Variants in UBE3B observed in about 807,000 individuals in gnomAD.
UBE3B encodes the protein ubiquitin protein ligase E3B, also known as ubiquitin-protein ligase E3B.
In UBE3B, 80 loss-of-function variants were observed where a neutral mutation model predicts 132.3. The observed-to-expected ratio is 0.60, with a 90% CI of 0.50 to 0.73. UBE3B has a LOEUF of 0.73. UBE3B is among the 30% of genes least tolerant of loss of function. The pLI is 0.00. For synonymous variants in UBE3B, 487 were observed against 520.4 expected (o/e 0.94, Z 0.87); for missense variants, 1,196 against 1,362.5 (o/e 0.88, Z 1.92).
chr12:109,487,145 C>T (rs768767673), intron 6 of UBE3B, among the ~76,000 whole-genome samples: 35 of 152,132 alleles, frequency 2.3e-4, no homozygotes, highest in Non-Finnish European at 4.3e-4. Flanking sequence ...AGAGGCCTCC[C>T]GACCAGTTCA....
intron 26 of UBE3B, among the ~76,000 whole-genome samples, chr12:109,532,069 G>T (rs1320557743): frequency 6.6e-6 from 1 of 152,182 alleles, no homozygotes; most frequent in African/African-American, 2.4e-5. Context: ...GCATCCAGGG[G>T]TTTCCTGTGT....
chr12:109,532,536 C>G (rs1442131641), intron 26 of UBE3B, among the ~76,000 whole-genome samples: 2 of 152,178 alleles, frequency 1.3e-5, no homozygotes, highest in Non-Finnish European at 2.9e-5. Flanking sequence ...GCCCCTGTAT[C>G]CCCTAGAGAA....
chr12:109,514,211 A>G (rs1166703452), intron 18 of UBE3B, among the ~76,000 whole-genome samples: 4 of 152,138 alleles, frequency 2.6e-5, no homozygotes, highest in African/African-American at 9.7e-5. Flanking sequence ...GTGTTTACCC[A>G]GAAGGCCTAA....
Position 109,499,728 on chromosome 12 carries a change from C to T in UBE3B, c.1036C>T (p.Arg346Trp), listed in dbSNP as rs1270104885. Reference protein sequence around the residue: ...SLLTQTLCYCRKYVSQKKSNL... With the variant: ...SLLTQTLCYCWKYVSQKKSNL... ...GCTCACCCAGACGCTGTGCTACTGT[C>T]GGAAGTATGTGTCTCAGAAGAAGTC... Residue 346 changes from arginine (R) to tryptophan (W), a missense_variant, in exon 12 of 28, where the codon CGG becomes TGG. Arg to Trp is a moderately radical substitution (Grantham distance 101). Transcript: ENST00000342494. 3.1e-6 allele frequency: 5 copies of T among 1,613,528 alleles called. No homozygotes were observed. In the Admixed American group the frequency reaches 5.0e-5, roughly 16 times the overall value.
chr12:109,510,384 C>A lies in UBE3B; in HGVS notation c.1782C>A (p.Val594=), dbSNP rs1204109815. The change falls in exon 17 of 28, where the codon GTC becomes GTA. Residue 594 remains valine (V), a synonymous_variant. Transcript: ENST00000342494. ...AGACCTTGGAGCTGTTCCAGTCTGT[C>A]CACGGGTGGCTTATGGTGCTGTACG... ...KGETLELFQS[V]HGWLMVLYER... 1 of 1,612,476 alleles carries A rather than the reference C, an allele frequency of 6.2e-7. No individual in the cohort carries two copies. Among genetic ancestry groups the A allele is most frequent in the African/African-American group, 1.3e-5 (1 of 74,902 alleles).
chr12:109,544,276 T>C, the UBE3B span, among the ~76,000 whole-genome samples: 1 of 149,326 alleles, frequency 6.7e-6, no homozygotes, highest in African/African-American at 2.5e-5. Context: ...CTGCCACAGG[T>C]GGACACTCAG....
At position 109,530,635 on chromosome 12, in the gene UBE3B, G is replaced by A. The variant is rs1156522771; in HGVS notation, c.2899G>A (p.Asp967Asn). The change falls in exon 26 of 28, where the codon GAT becomes AAT. Residue 967 changes from aspartate to asparagine, a missense_variant. Asp to Asn is a conservative substitution (Grantham distance 23, BLOSUM62 1). Coordinates refer to ENST00000342494, the MANE Select transcript of UBE3B (RefSeq NM_130466.4). Reference sequence around the variant, plus strand: ...TATTCTGGCCTCCGACTTCACACCGGATGAGAGAGCTATGTTTCTGAAGGT... The same window carrying A: ...TATTCTGGCCTCCGACTTCACACCGAATGAGAGAGCTATGTTTCTGAAGGT... The part of the protein sequence containing the change: ...WDILASDFTP[D>N]ERAMFLKFVT... 6 of 1,614,072 alleles carry A rather than the reference G, an allele frequency of 3.7e-6. No individual in the cohort carries two copies. Among genetic ancestry groups the A allele is most frequent in the Non-Finnish European group, 5.1e-6 (6 of 1,180,020 alleles).
At chr12:109,490,125 C>G (rs1361166354) in intron 8 of UBE3B, 121 bp downstream of exon 8, 1 of 1,021,690 alleles carries the variant, frequency 9.8e-7, no homozygotes. Flanking sequence ...ATAGGAAGAG[C>G]TTGATGCCTG....
intron 9 of UBE3B, among the ~76,000 whole-genome samples, chr12:109,495,526 G>C (rs1458933249): frequency 1.3e-5 from 2 of 152,204 alleles, no homozygotes; most frequent in Non-Finnish European, 2.9e-5. Flanking sequence ...AGCGGCACTA[G>C]AGGAATTAAA....
intron 19 of UBE3B, chr12:109,518,053 G>C: frequency 2.9e-6 from 1 of 345,458 alleles, no homozygotes; most frequent in Non-Finnish European, 6.1e-6. Flanking sequence ...GGCCCTGCAG[G>C]CCATGTGAAG....
At chr12:109,541,987 G>A in the UBE3B span, among the ~76,000 whole-genome samples, 1 of 152,108 alleles carries the variant, frequency 6.6e-6, no homozygotes, top group African/African-American at 2.4e-5. Flanking sequence ...TCCAAAAAAG[G>A]TCCCATGCAC....
At chr12:109,483,196 T>C (rs994066350) in intron 2 of UBE3B, among the ~76,000 whole-genome samples, 34 of 152,322 alleles carry the variant, frequency 2.2e-4, no homozygotes, top group African/African-American at 7.9e-4. Flanking sequence ...GATACCTGGT[T>C]TGAATTAGAG....
At chr12:109,533,010 C>T (rs913389855) in intron 26 of UBE3B, among the ~76,000 whole-genome samples, 3 of 152,200 alleles carry the variant, frequency 2.0e-5, no homozygotes, top group Non-Finnish European at 2.9e-5. Context: ...TCCCTCTGTT[C>T]GCACCACGTG....
chr12:109,515,166 G>A (rs1003320411), intron 18 of UBE3B, among the ~76,000 whole-genome samples: 1 of 151,770 alleles, frequency 6.6e-6, no homozygotes, highest in Non-Finnish European at 1.5e-5. Context: ...GCCCGCCTAG[G>A]CCTCCCAAAG....
intron 17 of UBE3B, 94 bp downstream of exon 17, chr12:109,510,552 C>T (rs1340465413): frequency 1.1e-6 from 1 of 951,930 alleles, no homozygotes; most frequent in Admixed American, 2.1e-5. Flanking sequence ...GCAGAGAGGA[C>T]TTTTTCCCTC....
downstream of UBE3B, among the ~76,000 whole-genome samples, chr12:109,540,091 G>T (rs2136173769): frequency 6.6e-6 from 1 of 152,176 alleles, no homozygotes; most frequent in South Asian, 2.1e-4. Context: ...GAATCCTGCA[G>T]AGGAAGCTGA....
At position 109,534,504 on chromosome 12, in the gene UBE3B, C is replaced by T. The variant is rs1032173252; in HGVS notation, c.3016-87C>T. 21 of 1,519,168 alleles carry T rather than the reference C, an allele frequency of 1.4e-5. No individual in the cohort carries two copies. Among genetic ancestry groups the T allele is most frequent in the Non-Finnish European group, 1.7e-5 (19 of 1,135,040 alleles). 94.1% of individuals were successfully genotyped at this position (1,519,168 alleles called of 1,614,324 possible). A position where few individuals can be genotyped will look rare whatever the true frequency, so the allele number is the denominator to read the frequency against. ...CCCAGCATCCAGGGACTGGCCAGAT[C>T]CCCTCCCTGGGCTCCCTGGCCTTGG... is the stretch of plus-strand genomic sequence containing the variant. On this transcript the variant is annotated intron_variant, in intron 27 of 27. Transcript: ENST00000342494. This position sits in a 1 kb window ranked among gnomAD's most constrained non-coding sequence, Gnocchi z 5.2.
chr12:109,526,245 C>T (rs1157392790), intron 23 of UBE3B, 113 bp from the exon 24 acceptor site: 20 of 1,058,162 alleles, frequency 1.9e-5, no homozygotes, highest in Non-Finnish European at 1.9e-5. Flanking sequence ...CAAGCATGTG[C>T]CATCTTAATT....
chr12:109,484,431 G>A (rs372115497), intron 4 of UBE3B, among the ~76,000 whole-genome samples: 57 of 152,140 alleles, frequency 3.7e-4, no homozygotes, highest in East Asian at 1.7e-3. Context: ...TCTCTCTGTC[G>A]CCAGGCTGGT....
Sources: gnomAD v4.1 joint callset for allele counts (sites outside exome capture counted in the v4.1 genomes callset) on GRCh38, gnomAD v4.1.1 for gene constraint, Gnocchi (gnomAD v3.1) non-coding constraint, MANE v1.5 for transcripts, NCBI Gene and HGNC (gene_info 2026-07-23, HGNC 2026-07-21) for gene names.